Variants in PCDHA9 observed in about 807,000 individuals in gnomAD.
PCDHA9 encodes protocadherin alpha-9.
A neutral mutation model predicts 62.0 loss-of-function variants in PCDHA9; 62 were observed. That is an observed-to-expected ratio of 1.00 (90% CI 0.81 to 1.23). The LOEUF (loss-of-function observed/expected upper bound fraction) is 1.23. PCDHA9 is among the 50% of genes most tolerant of loss of function. The pLI is 0.00. For missense variants in PCDHA9, 1,205 were observed against 1,249.8 expected (o/e 0.96, Z 0.54); for synonymous variants, 557 against 567.6 (o/e 0.98, Z 0.27).
At chr5:140,966,697 G>T (rs2096039921) in intron 1 of PCDHA9, 1 of 1,363,184 alleles carries the variant, frequency 7.3e-7, no homozygotes, top group Admixed American at 3.6e-5. Context: ...GCGGGGCCCG[G>T]GCGTGGGGCA....
chr5:140,929,398 AG>A, intron 1 of PCDHA9: 1 of 1,510,096 alleles, frequency 6.6e-7, no homozygotes, highest in Non-Finnish European at 8.9e-7. Flanking sequence ...AATATTTCTT[AG>A]ACAAGCCTTT....
At chr5:140,920,381 A>G (rs887594411) in intron 1 of PCDHA9, among the ~76,000 whole-genome samples, 1 of 152,164 alleles carries the variant, frequency 6.6e-6, no homozygotes, top group Non-Finnish European at 1.5e-5. Flanking sequence ...GTGGATTCAT[A>G]TTACCATCTG....
At chr5:140,934,013 A>G (rs2089566693) in intron 1 of PCDHA9, among the ~76,000 whole-genome samples, 1 of 151,836 alleles carries the variant, frequency 6.6e-6, no homozygotes. Context: ...TTTCTTGACT[A>G]GACTTGGAAG....
intron 3 of PCDHA9, among the ~76,000 whole-genome samples, chr5:141,008,000 TA>T (rs2098355741): frequency 6.6e-6 from 1 of 152,264 alleles, no homozygotes; most frequent in Non-Finnish European, 1.5e-5. Context: ...TACATGTTAA[TA>T]AACTTCTGTT....
At position 140,924,894 on chromosome 5, in the gene PCDHA9, C is replaced by CAAAAAA. The variant is rs782133089; in HGVS notation, c.2395-54049_2395-54044dup. Among the ~76,000 whole-genome samples, 6 of 71,470 alleles carry CAAAAAA rather than the reference C, an allele frequency of 8.4e-5. No homozygotes were observed. In the East Asian group the frequency reaches 2.6e-3, roughly 31 times the overall value. 46.9% of individuals were successfully genotyped at this position (71,470 alleles called of 152,430 possible). A position where few individuals can be genotyped will look rare whatever the true frequency, so the allele number is the denominator to read the frequency against. On this transcript the variant is annotated intron_variant, in intron 1 of 3. Transcript: ENST00000532602. ...TGGGTGACAGAGCAAGAACCTGTCT[C>CAAAAAA]AAAAAAAAAAATAAAATAAAATAAA... is the stretch of plus-strand genomic sequence containing the variant.
At chr5:140,876,223 T>C (rs2056212607) in intron 1 of PCDHA9, 2 of 1,613,782 alleles carry the variant, frequency 1.2e-6, no homozygotes, top group Non-Finnish European at 1.7e-6. Flanking sequence ...TAAAGTAGTG[T>C]TGTCTGAAAA....
At chr5:140,902,560 G>A (rs558432897) in intron 1 of PCDHA9, among the ~76,000 whole-genome samples, 1 of 151,954 alleles carries the variant, frequency 6.6e-6, no homozygotes, top group African/African-American at 2.4e-5. Flanking sequence ...CCAGATTTTT[G>A]AGGGTTTTTA....
chr5:140,927,813 G>A, intron 1 of PCDHA9: 1 of 1,614,176 alleles, frequency 6.2e-7, no homozygotes, highest in Non-Finnish European at 8.5e-7. Context: ...CGCTCTTGGA[G>A]GCATACATTG....
intron 1 of PCDHA9, among the ~76,000 whole-genome samples, chr5:140,972,293 C>T (rs912767406): frequency 2.0e-5 from 3 of 151,768 alleles, no homozygotes; most frequent in Non-Finnish European, 4.4e-5. Flanking sequence ...ATGTGCGCCA[C>T]CGTGTCTGAC....
chr5:140,870,911 A>G (rs782609021), intron 1 of PCDHA9: 2 of 1,613,910 alleles, frequency 1.2e-6, no homozygotes, highest in Non-Finnish European at 1.7e-6. Context: ...TCAGGCTACA[A>G]CGCGTGGCTT....
intron 1 of PCDHA9, among the ~76,000 whole-genome samples, chr5:140,922,896 A>C (rs551056851): frequency 1.6e-3 from 238 of 152,336 alleles, no homozygotes; most frequent in Non-Finnish European, 2.0e-3. Context: ...TTCAAGAAAA[A>C]ATTTTGAGAT....
intron 1 of PCDHA9, chr5:140,855,960 T>A (rs933070909): frequency 4.3e-6 from 6 of 1,398,506 alleles, no homozygotes; most frequent in East Asian, 2.3e-5. Flanking sequence ...CGATAAAAAA[T>A]AGATATAAGA....
chr5:140,932,199 A>C (rs1314795858), intron 1 of PCDHA9, among the ~76,000 whole-genome samples: 2 of 151,894 alleles, frequency 1.3e-5, no homozygotes, highest in African/African-American at 4.8e-5. Context: ...TTTTTCTGTT[A>C]ATATTCTTGA....
rs1421975943 is a variant in PCDHA9 at position 140,853,700 on chromosome 5, G to A, written c.2394+2811G>A. 8.1e-6 allele frequency: 8 copies of A among 987,678 alleles called. 1 individual carries two copies. Among genetic ancestry groups the A allele is most frequent in the Admixed American group, 6.3e-5 (1 of 15,866 alleles). The allele number at this position is 987,678 out of a possible 1,614,324, so 61.2% of individuals were successfully genotyped here. The stretch of plus-strand genomic sequence containing the variant: ...TCAACCTATCCTTAGACCTGCTAAC[G>A]CATTAGCATTAGCAGCACCTAAGTC... On this transcript the variant is annotated intron_variant, in intron 1 of 3. Coordinates refer to ENST00000532602, the MANE Select transcript of PCDHA9 (RefSeq NM_031857.2).
intron 3 of PCDHA9, among the ~76,000 whole-genome samples, chr5:140,984,944 TC>T (rs1554246626): frequency 6.6e-6 from 1 of 151,930 alleles, no homozygotes; most frequent in Non-Finnish European, 1.5e-5. Flanking sequence ...AAATGTCTAA[TC>T]TTTTTTTTTT....
intron 1 of PCDHA9, chr5:140,871,107 G>A (rs1554165128): frequency 1.2e-6 from 2 of 1,613,306 alleles, no homozygotes; most frequent in Admixed American, 1.7e-5. Flanking sequence ...TGGTGTCGTT[G>A]GTGGAGAGCG....
chr5:141,000,403 A>C (rs1233777704), intron 3 of PCDHA9, among the ~76,000 whole-genome samples: 120 of 84,052 alleles, frequency 1.4e-3, no homozygotes, highest in East Asian at 4.6e-3. Context: ...CTCTATATAT[A>C]TATATATATA....
rs2150449498 is a variant in PCDHA9 at position 140,849,775 on chromosome 5, C to A, written c.1280C>A (p.Ala427Glu). 6.3e-7 allele frequency: 1 copy of A among 1,598,434 alleles called. No homozygotes were observed. The highest frequency in any genetic ancestry group is 8.6e-7 in the Non-Finnish European group (1 of 1,167,964). ...SVSAYELVVT[A>E]RDGGSPSLWA... Reference sequence around the variant, plus strand: ...TCCGCCTACGAGCTGGTGGTTACCGCGCGGGACGGGGGCTCGCCTTCACTG... The same window carrying A: ...TCCGCCTACGAGCTGGTGGTTACCGAGCGGGACGGGGGCTCGCCTTCACTG... The change falls in exon 1 of 4, where the codon GCG (alanine) becomes GAG (glutamate). Residue 427 changes from alanine to glutamate, a missense_variant. Transcript: ENST00000532602.
intron 1 of PCDHA9, chr5:140,860,525 C>T (rs1269714360): frequency 1.3e-5 from 2 of 152,112 alleles, no homozygotes; most frequent in Non-Finnish European, 2.9e-5. Context: ...TCATGGAATT[C>T]TGATTTGTAA....
Sources: allele counts gnomAD v4.1 joint callset (sites outside exome capture counted in the v4.1 genomes callset), GRCh38; gene constraint gnomAD v4.1.1; transcripts MANE v1.5; gene names NCBI Gene and HGNC (gene_info 2026-07-23, HGNC 2026-07-21).